Variants in IGF2BP1 observed in about 807,000 individuals in gnomAD.
IGF2BP1 encodes the protein insulin like growth factor 2 mRNA binding protein 1.
Under a neutral mutation model 74.9 loss-of-function variants are expected in IGF2BP1, and 11 were observed. The ratio of observed to expected loss-of-function variants is 0.15; its 90% CI spans 0.09 to 0.24. The LOEUF (loss-of-function observed/expected upper bound fraction) is 0.24. Ranked by LOEUF, IGF2BP1 falls within the 10% of genes least tolerant of loss-of-function variation. The probability of loss-of-function intolerance (pLI) is 1.00; values close to 1 mark genes in which losing one functional copy is unlikely to be tolerated. For synonymous variants in IGF2BP1, 287 were observed against 281.8 expected, an observed-to-expected ratio of 1.02 and a Z score of -0.18; for missense variants, 440 against 757.4, an observed-to-expected ratio of 0.58 and a Z score of 4.92.
At chr17:49,032,000 G>A in intron 5 of IGF2BP1, 27 bp downstream of exon 5, 1 of 1,551,992 alleles carries the variant, frequency 6.4e-7, no homozygotes, top group East Asian at 2.3e-5. Context: ...GTGGGGCTGG[G>A]TGCGGTGGGG....
chr17:49,055,525 C>A lies in IGF2BP1; in HGVS notation c.*6081C>A. 2.5e-6 allele frequency: 1 copy of A among 395,650 alleles called. No homozygotes were observed. The allele number at this position is 395,650 out of a possible 1,614,324, so 24.5% of individuals were successfully genotyped here. A position where few individuals can be genotyped will look rare whatever the true frequency, so the allele number is the denominator to read the frequency against. On this transcript the variant is annotated 3_prime_UTR_variant, in exon 15 of 15. Transcript: ENST00000290341. ...GACTGGCACTTCCCGGCTGTGGGGG[C>A]TGGGGAGCCACTTGTAACATTTCTG... is the stretch of plus-strand genomic sequence containing the variant.
intron 2 of IGF2BP1, among the ~76,000 whole-genome samples, chr17:49,023,833 C>T (rs918315941): frequency 6.6e-6 from 1 of 152,058 alleles, no homozygotes; most frequent in South Asian, 2.1e-4. Flanking sequence ...AAATCTTAAA[C>T]CCAGGGATTA....
chr17:49,047,417 CTGTTTTA>C (rs1567829194), intron 14 of IGF2BP1, among the ~76,000 whole-genome samples: 1 of 152,022 alleles, frequency 6.6e-6, no homozygotes, highest in East Asian at 1.9e-4. Context: ...ATACCCAGCA[CTGTTTTA>C]TGTGGCTTAT....
At position 49,055,697 on chromosome 17, in the gene IGF2BP1, A is replaced by G. The variant is rs2042221021; in HGVS notation, c.*6253A>G. On this transcript the variant is annotated 3_prime_UTR_variant, in exon 15 of 15. Coordinates refer to ENST00000290341, the MANE Select transcript of IGF2BP1 (RefSeq NM_006546.4). Reference sequence around the variant, plus strand: ...GATCTTGATCCTGGTCCCCAAAACCAGAGTGAATCAAAAGAGCTTCCTCCC... The same window carrying G: ...GATCTTGATCCTGGTCCCCAAAACCGGAGTGAATCAAAAGAGCTTCCTCCC... 2.5e-6 allele frequency: 1 copy of G among 398,442 alleles called. No individual in the cohort carries two copies. The highest frequency in any genetic ancestry group is 4.4e-6 in the Non-Finnish European group (1 of 226,072). The allele number at this position is 398,442 out of a possible 1,614,324, so 24.7% of individuals were successfully genotyped here.
In IGF2BP1 at chr17:49,050,632, C is replaced by T. The variant is rs534884207; in HGVS notation, c.*1188C>T. 6.6e-6 allele frequency: 1 copy of T among 152,210 alleles called. No individual in the cohort carries two copies. Among genetic ancestry groups the T allele is most frequent in the Non-Finnish European group, 1.5e-5 (1 of 68,028 alleles). 9.4% of individuals were successfully genotyped at this position (152,210 alleles called of 1,614,324 possible). On this transcript the variant is annotated 3_prime_UTR_variant, in exon 15 of 15. Transcript: ENST00000290341. ...AATTCAGTAAATTGGAGAGTACTTG[C>T]TTCTGTTTGTATCTGAGAGGAATTT...
In IGF2BP1 at chr17:49,041,520, C is replaced by T. The variant is rs2042052425; in HGVS notation, c.941+20C>T. 1.2e-6 allele frequency: 2 copies of T among 1,613,854 alleles called. No individual in the cohort carries two copies. The highest frequency in any genetic ancestry group is 2.2e-5 in the East Asian group (1 of 44,874). On this transcript the variant is annotated intron_variant, in intron 8 of 14. Coordinates refer to ENST00000290341, the MANE Select transcript of IGF2BP1 (RefSeq NM_006546.4). ...CTCCTCGTAAGGCTCTCTTCTATTT[C>T]CCTGTTTATGAGTGGGGGATGCATG...
intron 11 of IGF2BP1, 103 bp downstream of exon 11, chr17:49,044,189 G>T: frequency 6.8e-7 from 1 of 1,465,080 alleles, no homozygotes; most frequent in Admixed American, 2.1e-5. Flanking sequence ...TGAGAATTCT[G>T]TGTGTCATAT....
chr17:49,020,633 G>A (rs545406382), intron 2 of IGF2BP1, among the ~76,000 whole-genome samples: 1 of 152,210 alleles, frequency 6.6e-6, no homozygotes, highest in South Asian at 2.1e-4. Context: ...TTAGGCTGGA[G>A]GACAAAATAA....
At chr17:49,041,857 CTG>C (rs1256976615) in intron 8 of IGF2BP1, among the ~76,000 whole-genome samples, 7 of 152,176 alleles carry the variant, frequency 4.6e-5, no homozygotes, top group Admixed American at 4.6e-4. Context: ...CCTTTTCTGT[CTG>C]TGGTGGGCTG....
At chr17:49,011,859 C>T (rs1026636066) in intron 2 of IGF2BP1, among the ~76,000 whole-genome samples, 11 of 151,326 alleles carry the variant, frequency 7.3e-5, no homozygotes, top group African/African-American at 2.2e-4. Flanking sequence ...ATTTTCCTAT[C>T]GCCGTTGAGA....
At chr17:49,008,385 T>C (rs539470875) in intron 2 of IGF2BP1, among the ~76,000 whole-genome samples, 1 of 152,158 alleles carries the variant, frequency 6.6e-6, no homozygotes, top group Non-Finnish European at 1.5e-5. Context: ...ACTGAGGTTA[T>C]CTATAGGGTT....
chr17:49,020,479 C>CA (rs1302816207), intron 2 of IGF2BP1, among the ~76,000 whole-genome samples: 1 of 152,212 alleles, frequency 6.6e-6, no homozygotes, highest in East Asian at 1.9e-4. Flanking sequence ...GGTTGAGTAT[C>CA]TTGTCTAAGT....
In IGF2BP1 at chr17:49,052,700, G is replaced by A. The variant is rs966675805; in HGVS notation, c.*3256G>A. On this transcript the variant is annotated 3_prime_UTR_variant, in exon 15 of 15. Transcript: ENST00000290341. ...AGGCTAGGTCTTAGGGCAACTCCTTGCCCTCCTGCTCAGCACCTCCATTTC... is the reference window on the plus strand; with the variant it reads ...AGGCTAGGTCTTAGGGCAACTCCTTACCCTCCTGCTCAGCACCTCCATTTC... 1 of 152,522 alleles carries A rather than the reference G, an allele frequency of 6.6e-6. No homozygotes were observed. The highest frequency in any genetic ancestry group is 2.4e-5 in the African/African-American group (1 of 41,388). 9.4% of individuals were successfully genotyped at this position (152,522 alleles called of 1,614,324 possible).
intron 9 of IGF2BP1, 60 bp from the exon 10 acceptor site, chr17:49,043,368 G>A (rs1226312823): frequency 6.3e-7 from 1 of 1,597,454 alleles, no homozygotes; most frequent in African/African-American, 1.3e-5. Context: ...ATACAGCGGG[G>A]GTCACACACA....
At chr17:49,019,959 C>T (rs28570390) in intron 2 of IGF2BP1, among the ~76,000 whole-genome samples, 397 of 34,358 alleles carry the variant, frequency 0.012, 3 homozygotes, top group African/African-American at 0.038. Context: ...TTTATATACA[C>T]ACACACACAC....
intron 2 of IGF2BP1, among the ~76,000 whole-genome samples, chr17:49,003,878 C>T (rs2041514586): frequency 6.6e-6 from 1 of 151,936 alleles, no homozygotes; most frequent in South Asian, 2.1e-4. Context: ...CAGTGTTACC[C>T]ACGGGAGAGG....
intron 7 of IGF2BP1, among the ~76,000 whole-genome samples, chr17:49,040,541 T>A (rs2042039181): frequency 6.6e-6 from 1 of 152,200 alleles, no homozygotes; most frequent in Admixed American, 6.5e-5. Context: ...TCGTATGACC[T>A]CCTAGAAATT....
intron 5 of IGF2BP1, among the ~76,000 whole-genome samples, chr17:49,035,391 A>G (rs2041974201): frequency 6.6e-6 from 1 of 152,254 alleles, no homozygotes; most frequent in Non-Finnish European, 1.5e-5. Context: ...TTAGGTCTAG[A>G]CTAGGTTGTA....
intron 2 of IGF2BP1, among the ~76,000 whole-genome samples, chr17:49,016,914 G>T (rs1197815852): frequency 7.2e-6 from 1 of 139,444 alleles, no homozygotes; most frequent in Non-Finnish European, 1.6e-5. Flanking sequence ...TCCCCTCCCC[G>T]CCCCCGCCCC....
Sources: gnomAD v4.1 joint callset for allele counts (sites outside exome capture counted in the v4.1 genomes callset) on GRCh38, gnomAD v4.1.1 for gene constraint, MANE v1.5 for transcripts, NCBI Gene and HGNC (gene_info 2026-07-23, HGNC 2026-07-21) for gene names.